The following MACROD2 variants were observed in gnomAD, a reference collection of about 807,000 sequenced individuals.
MACROD2 encodes the protein ADP-ribose glycohydrolase MACROD2.
A neutral mutation model predicts 70.4 loss-of-function variants in MACROD2; 36 were observed. That is an observed-to-expected ratio of 0.51 (90% confidence interval 0.39 to 0.68). The LOEUF (loss-of-function observed/expected upper bound fraction) is 0.68, where lower values mean the gene tolerates loss of function less well. Among genes scored for constraint, MACROD2 ranks in the 30% least tolerant of loss-of-function variants. The probability of loss-of-function intolerance (pLI) is 0.00; values close to 1 mark genes in which losing one functional copy is unlikely to be tolerated. For missense variants in MACROD2, 496 were observed against 538.4 expected (o/e 0.92, Z 0.78); for synonymous variants, 172 against 178.8 (o/e 0.96, Z 0.30).
At chr20:15,179,828 A>G (rs921328588) in intron 5 of MACROD2, among the ~76,000 whole-genome samples, 2 of 152,238 alleles carry the variant, frequency 1.3e-5, no homozygotes. Context: ...GACAATTTAA[A>G]GATTCCCAAA....
At chr20:15,439,324 T>C (rs1460228479) in intron 7 of MACROD2, among the ~76,000 whole-genome samples, 1 of 152,196 alleles carries the variant, frequency 6.6e-6, no homozygotes, top group Non-Finnish European at 1.5e-5. Flanking sequence ...ATCCTAGTTC[T>C]GCTATAATGA....
At chr20:15,266,689 A>G (rs991995609) in intron 6 of MACROD2, among the ~76,000 whole-genome samples, 10 of 152,134 alleles carry the variant, frequency 6.6e-5, no homozygotes, top group African/African-American at 2.4e-4. Flanking sequence ...GTGAATCCCC[A>G]TCACTCCCAG....
intron 3 of MACROD2, among the ~76,000 whole-genome samples, chr20:14,255,103 A>T (rs907307769): frequency 6.6e-6 from 1 of 152,088 alleles, no homozygotes; most frequent in African/African-American, 2.4e-5. Flanking sequence ...CTGCTGAGAG[A>T]TCCGCTGTTA....
chr20:14,844,373 C>T (rs1197052717), intron 5 of MACROD2, among the ~76,000 whole-genome samples: 1 of 151,748 alleles, frequency 6.6e-6, no homozygotes, highest in African/African-American at 2.4e-5. Flanking sequence ...AAAAATTAGC[C>T]AGGCTTGGTG....
chr20:14,503,539 A>T (rs566349008), intron 4 of MACROD2, among the ~76,000 whole-genome samples: 33 of 152,334 alleles, frequency 2.2e-4, no homozygotes, highest in African/African-American at 7.0e-4. Context: ...ACTGGGAGAG[A>T]GATGCAAGAA....
chr20:14,164,701 G>C (rs558907905), intron 3 of MACROD2, among the ~76,000 whole-genome samples: 17 of 152,114 alleles, frequency 1.1e-4, no homozygotes, highest in Non-Finnish European at 1.6e-4. Context: ...AGGAGTACCC[G>C]GGTGCCAGTG....
intron 8 of MACROD2, among the ~76,000 whole-genome samples, chr20:15,683,829 C>T (rs2050192249): frequency 6.6e-6 from 1 of 152,184 alleles, no homozygotes; most frequent in South Asian, 2.1e-4. Flanking sequence ...ATCCACCCGC[C>T]TCGGCCTCCC....
intron 2 of MACROD2, among the ~76,000 whole-genome samples, chr20:14,049,188 A>C (rs1012100424): frequency 5.3e-5 from 8 of 150,970 alleles, no homozygotes; most frequent in Admixed American, 3.3e-4. Context: ...AAAAAAAAAA[A>C]ACAAAAAAAC....
chr20:15,944,535 A>C lies in MACROD2; in HGVS notation c.907+6991A>C, dbSNP rs976743099. ...CTATCATCATTTAATTGTGTATTCC[A>C]GTAAATAAATGTTTATATTCTTATC... On this transcript the variant is annotated intron_variant, in intron 12 of 17. Coordinates refer to ENST00000684519, the MANE Select transcript of MACROD2 (RefSeq NM_001351661.2). Among the ~76,000 whole-genome samples the C allele has an allele frequency of 2.6e-5, 4 of 152,146 alleles. No homozygotes were observed. The East Asian group carries it at 7.7e-4, about 29-fold the overall frequency.
At chr20:15,051,276 T>TC (rs1042970254) in intron 5 of MACROD2, among the ~76,000 whole-genome samples, 26 of 152,094 alleles carry the variant, frequency 1.7e-4, no homozygotes, top group African/African-American at 5.8e-4. Flanking sequence ...TTGGCTAGTT[T>TC]CCCCCAACTT....
At chr20:14,509,189 G>GT (rs1218942247) in intron 4 of MACROD2, among the ~76,000 whole-genome samples, 2 of 152,072 alleles carry the variant, frequency 1.3e-5, no homozygotes, top group Admixed American at 1.3e-4. Context: ...AGGCTAGAGG[G>GT]TTTTTTGTAA....
At chr20:15,897,104 A>G (rs976656802) in intron 10 of MACROD2, among the ~76,000 whole-genome samples, 2 of 152,150 alleles carry the variant, frequency 1.3e-5, no homozygotes, top group African/African-American at 4.8e-5. Context: ...TCAGAAGTAA[A>G]TTATCTACAG....
intron 6 of MACROD2, among the ~76,000 whole-genome samples, chr20:15,244,615 A>G (rs1187893719): frequency 1.3e-5 from 2 of 152,162 alleles, no homozygotes; most frequent in Non-Finnish European, 2.9e-5. Context: ...ATCATTCCAG[A>G]AGGTATGGTT....
intron 8 of MACROD2, among the ~76,000 whole-genome samples, chr20:15,726,584 C>T (rs2050865597): frequency 6.6e-6 from 1 of 152,066 alleles, no homozygotes; most frequent in African/African-American, 2.4e-5. Flanking sequence ...GCAGCTTTGC[C>T]AGCATCTGTT....
intron 3 of MACROD2, among the ~76,000 whole-genome samples, chr20:14,488,037 A>C (rs577645423): frequency 5.9e-5 from 9 of 152,258 alleles, no homozygotes; most frequent in South Asian, 4.1e-4. Context: ...CAGCTCCCCC[A>C]AAAATGTGGA....
intron 5 of MACROD2, among the ~76,000 whole-genome samples, chr20:15,120,291 T>C (rs2076020956): frequency 6.6e-6 from 1 of 152,180 alleles, no homozygotes; most frequent in Admixed American, 6.5e-5. Flanking sequence ...CATTCATGCA[T>C]GTGTGCATGT....
At chr20:14,605,599 A>G (rs6033986) in intron 4 of MACROD2, among the ~76,000 whole-genome samples, 74,209 of 151,962 alleles carry the variant, frequency 0.49, 20,022 homozygotes, top group African/African-American at 0.73. Flanking sequence ...AACTGTCACA[A>G]GATTTTCACT....
intron 7 of MACROD2, among the ~76,000 whole-genome samples, chr20:15,475,182 A>AT (rs2047006724): frequency 1.3e-5 from 2 of 152,268 alleles, no homozygotes; most frequent in East Asian, 1.9e-4. Context: ...ATACTATTCC[A>AT]TTTTTTATCA....
At chr20:14,430,481 G>A (rs562824957) in intron 3 of MACROD2, among the ~76,000 whole-genome samples, 60 of 152,292 alleles carry the variant, frequency 3.9e-4, no homozygotes, top group East Asian at 2.5e-3. Flanking sequence ...TGCCACAGGA[G>A]AGAAAGGCAT....
Sources: gnomAD v4.1 joint callset for allele counts (sites outside exome capture counted in the v4.1 genomes callset) on GRCh38, gnomAD v4.1.1 for gene constraint, MANE v1.5 for transcripts, NCBI Gene and HGNC (gene_info 2026-07-23, HGNC 2026-07-21) for gene names.